The following PSPC1 variants were observed in gnomAD, a reference collection of about 807,000 sequenced individuals.
PSPC1 encodes paraspeckle component 1.
PSPC1 carries 14 observed loss-of-function variants against 51.6 expected under a neutral mutation model. That is an observed-to-expected ratio of 0.27 (90% CI 0.18 to 0.42). PSPC1 has a LOEUF of 0.42. Ranked by LOEUF, PSPC1 falls within the 10% of genes least tolerant of loss-of-function variation. PSPC1 has a pLI of 1.00. For synonymous variants in PSPC1, 193 were observed against 231.9 expected, an observed-to-expected ratio of 0.83 and a Z score of 1.53; for missense variants, 406 against 701.1, an observed-to-expected ratio of 0.58 and a Z score of 4.75.
chr13:19,720,542 TTTC>T (rs1452077013), intron 6 of PSPC1, among the ~76,000 whole-genome samples: 1 of 152,232 alleles, frequency 6.6e-6, no homozygotes, highest in Non-Finnish European at 1.5e-5. Context: ...TAGTACATAT[TTTC>T]TTCTAAGTAA....
downstream of PSPC1, among the ~76,000 whole-genome samples, chr13:19,698,075 T>A (rs1879458325): frequency 6.6e-6 from 1 of 152,088 alleles, no homozygotes; most frequent in Non-Finnish European, 1.5e-5. Context: ...AAACATATAA[T>A]GCCCTTTTGC....
chr13:19,744,455 C>T (rs2138063670), intron 4 of PSPC1, among the ~76,000 whole-genome samples: 1 of 152,284 alleles, frequency 6.6e-6, no homozygotes, highest in South Asian at 2.1e-4. Context: ...TCCTAATACC[C>T]AAAGTTCCTG....
chr13:19,696,829 G>C (rs113499153), intron 6 of PSPC1, among the ~76,000 whole-genome samples: 39 of 152,306 alleles, frequency 2.6e-4, no homozygotes, highest in African/African-American at 7.5e-4. Context: ...AATCTGCTAA[G>C]AGGAAACTTG....
At chr13:19,740,898 G>A (rs1350605962) in intron 5 of PSPC1, among the ~76,000 whole-genome samples, 1 of 146,430 alleles carries the variant, frequency 6.8e-6, no homozygotes, top group Non-Finnish European at 1.5e-5. Flanking sequence ...TTTTTGAGAT[G>A]GAGTCTCACT....
chr13:19,718,710 GC>G (rs10709919), intron 6 of PSPC1, among the ~76,000 whole-genome samples: 70,511 of 139,790 alleles, frequency 0.5, 11,258 homozygotes, highest in East Asian at 0.62. Flanking sequence ...ATTCATAATT[GC>G]TAAAACCTGG....
At chr13:19,775,688 G>A (rs779778767) in intron 1 of PSPC1, among the ~76,000 whole-genome samples, 2 of 152,164 alleles carry the variant, frequency 1.3e-5, no homozygotes, top group African/African-American at 2.4e-5. Flanking sequence ...AAAGAGATGG[G>A]TACTTTCTTA....
chr13:19,740,328 A>G (rs1042441734), intron 5 of PSPC1, among the ~76,000 whole-genome samples: 3 of 151,774 alleles, frequency 2.0e-5, no homozygotes, highest in Admixed American at 6.6e-5. Flanking sequence ...GGGCAACAAG[A>G]GCGAAACTCC....
rs535303253 is a variant in PSPC1 at position 19,740,491 on chromosome 13, G to A, written c.1052+1074C>T. 4.5e-4 allele frequency among the ~76,000 whole-genome samples: 68 copies of A among 152,100 alleles called. No individual in the cohort carries two copies. The South Asian group carries it at 6.6e-3, about 15-fold the overall frequency. ...CCAGAGAAGCTTCAAATTTGTTCAC[G>A]GTTTTTCACTTTTTTCTTTACTTTT... On this transcript the variant is annotated intron_variant, in intron 5 of 8. Coordinates refer to ENST00000338910, the MANE Select transcript of PSPC1 (RefSeq NM_001354909.2).
Position 19,772,460 on chromosome 13 carries a change from A to G in PSPC1, c.456T>C (p.Ala152=). The G allele has an allele frequency of 6.2e-7, 1 of 1,614,252 alleles. No homozygotes were observed. Among genetic ancestry groups the G allele is most frequent in the Non-Finnish European group, 8.5e-7 (1 of 1,180,048 alleles). ...LKSRPLRIRF[A]THGAALTVKN... is the part of the protein sequence containing the mutation. ...TGACAGTCAAGGCTGCTCCATGTGT[A>G]GCGAAGCGAATCCGTAGAGGTCTGC... The change falls in exon 2 of 9, where the codon GCT becomes GCC. Residue 152 remains alanine (A), a synonymous_variant. Coordinates refer to ENST00000338910, the MANE Select transcript of PSPC1 (RefSeq NM_001354909.2).
chr13:19,734,910 G>A lies in PSPC1; in HGVS notation c.1053-4566C>T, dbSNP rs189656005. 3.9e-3 allele frequency among the ~76,000 whole-genome samples: 585 copies of A among 149,476 alleles called. 4 individuals carry two copies. The highest frequency in any genetic ancestry group is 8.4e-3 in the South Asian group (39 of 4,632). On this transcript the variant is annotated intron_variant, in intron 5 of 8. Coordinates refer to ENST00000338910, the MANE Select transcript of PSPC1 (RefSeq NM_001354909.2). ...GGAGAATCACTTGAACCTGGGAAGT[G>A]GAGGTTGCCGTGAGCCGAGATCACA...
chr13:19,705,246 G>T (rs574847692), intron 8 of PSPC1, among the ~76,000 whole-genome samples: 9 of 152,382 alleles, frequency 5.9e-5, no homozygotes, highest in Admixed American at 2.0e-4. Flanking sequence ...TGTAATCCCA[G>T]CACTTTGGGA....
chr13:19,782,348 A>C lies in PSPC1; in HGVS notation c.372+38T>G. The C allele has an allele frequency of 6.5e-7, 1 of 1,538,110 alleles. No individual in the cohort carries two copies. Among genetic ancestry groups the C allele is most frequent in the Non-Finnish European group, 8.7e-7 (1 of 1,143,098 alleles). On this transcript the variant is annotated intron_variant, in intron 1 of 8. Transcript: ENST00000338910. This position sits in a 1 kb window ranked among gnomAD's most constrained non-coding sequence, Gnocchi z 4.5. ...CCCACGACCCCGCGGCCACCCCGAC[A>C]GTCCTTTTGTTCCCTCGCGCGGGCG...
At position 19,782,282 on chromosome 13, in the gene PSPC1, C is replaced by T; in HGVS notation, c.372+104G>A. The T allele has an allele frequency of 2.1e-6, 3 of 1,427,620 alleles. No individual in the cohort carries two copies. Among genetic ancestry groups the T allele is most frequent in the African/African-American group, 1.5e-5 (1 of 67,406 alleles). 88.4% of individuals were successfully genotyped at this position (1,427,620 alleles called of 1,614,324 possible). On this transcript the variant is annotated intron_variant, in intron 1 of 8. Transcript: ENST00000338910. This position sits in a 1 kb window ranked among gnomAD's most constrained non-coding sequence, Gnocchi z 4.5. The stretch of plus-strand genomic sequence containing the variant: ...TGAGGCCGAGCGGCGCCACGGTTGC[C>T]ACAGGTTGAGACAGCGTCCTAGGAC...
chr13:19,693,775 A>G (rs1878844070), intron 6 of PSPC1, among the ~76,000 whole-genome samples: 2 of 152,272 alleles, frequency 1.3e-5, no homozygotes, highest in Admixed American at 1.3e-4. Context: ...GACAGCAAAC[A>G]CCAAGTAATT....
intron 6 of PSPC1, among the ~76,000 whole-genome samples, chr13:19,694,622 A>G (rs1005182994): frequency 2.0e-5 from 3 of 152,226 alleles, no homozygotes; most frequent in African/African-American, 7.2e-5. Context: ...GATTAATATA[A>G]TCAAGTCGTT....
intron 6 of PSPC1, among the ~76,000 whole-genome samples, chr13:19,682,093 T>G (rs987542791): frequency 6.6e-6 from 1 of 152,122 alleles, no homozygotes; most frequent in Non-Finnish European, 1.5e-5. Context: ...ATGAAAGAAC[T>G]TGACAACAGA....
downstream of PSPC1, chr13:19,672,954 G>A (rs1465304318): frequency 1.5e-5 from 6 of 389,272 alleles, no homozygotes; most frequent in East Asian, 2.8e-4. Flanking sequence ...TACTCAGGAG[G>A]CTGAGGTGAA....
intron 6 of PSPC1, among the ~76,000 whole-genome samples, chr13:19,683,109 ATACTC>A (rs1877466477): frequency 6.6e-6 from 1 of 152,068 alleles, no homozygotes; most frequent in African/African-American, 2.4e-5. Flanking sequence ...AAACTGCCCT[ATACTC>A]TAAGAGTTTC....
At chr13:19,766,641 G>A (rs1239538544) in intron 2 of PSPC1, among the ~76,000 whole-genome samples, 1 of 151,836 alleles carries the variant, frequency 6.6e-6, no homozygotes, top group Admixed American at 6.6e-5. Context: ...ACCTATGATC[G>A]CATTCAGCCT....
Sources: gnomAD v4.1 joint callset for allele counts (sites outside exome capture counted in the v4.1 genomes callset) on GRCh38, gnomAD v4.1.1 for gene constraint, Gnocchi (gnomAD v3.1) non-coding constraint, MANE v1.5 for transcripts, NCBI Gene and HGNC (gene_info 2026-07-23, HGNC 2026-07-21) for gene names.